The following MTAP variants were observed in gnomAD, a reference collection of about 807,000 sequenced individuals.
MTAP encodes S-methyl-5'-thioadenosine phosphorylase.
In MTAP, 33 loss-of-function variants were observed where a neutral mutation model predicts 33.6. The observed-to-expected ratio is 0.98, with a 90% CI of 0.74 to 1.31. The LOEUF (loss-of-function observed/expected upper bound fraction) is 1.31, where lower values mean the gene tolerates loss of function less well. Ranked by LOEUF, MTAP falls within the 40% of genes most tolerant of loss-of-function variation. The pLI, the probability that MTAP is intolerant of heterozygous loss-of-function variation, is 0.00. For missense variants in MTAP, 367 were observed against 360.0 expected (o/e 1.02, Z -0.16); for synonymous variants, 148 against 125.7 (o/e 1.18, Z -1.19).
At chr9:21,906,545 A>G (rs2118829248) in intron 1 of MTAP, among the ~76,000 whole-genome samples, 1 of 152,270 alleles carries the variant, frequency 6.6e-6, no homozygotes, top group Non-Finnish European at 1.5e-5. Context: ...CATAAAATCT[A>G]CTAAGAGGGC....
chr9:21,863,148 T>C lies in MTAP; in HGVS notation c.*1134T>C. 1 of 974,676 alleles carries C rather than the reference T, an allele frequency of 1.0e-6. No homozygotes were observed. The highest frequency in any genetic ancestry group is 1.2e-6 in the Non-Finnish European group (1 of 820,100). 60.4% of individuals were successfully genotyped at this position (974,676 alleles called of 1,614,324 possible). ...TTAATAGTTTAACTGAAAGTTTAACTATTTAAAAGACTAAATGCACATTTT... is the reference window on the plus strand; with the variant it reads ...TTAATAGTTTAACTGAAAGTTTAACCATTTAAAAGACTAAATGCACATTTT... On this transcript the variant is annotated 3_prime_UTR_variant, in exon 8 of 8. Transcript: ENST00000644715.
rs140726971 is a variant in MTAP, at chr9:21,919,508, A to T, written c.148-11500A>T. On this transcript the variant is annotated intron_variant, in intron 1 of 1. Coordinates refer to the MTAP transcript ENST00000577563. Reference sequence around the variant, plus strand: ...GAAGATATTTGTAAACCACTTTTGGATCCCTGGGTTCAGATGTGGACTAGC... The same window carrying T: ...GAAGATATTTGTAAACCACTTTTGGTTCCCTGGGTTCAGATGTGGACTAGC... Among the ~76,000 whole-genome samples, 12 of 152,364 alleles carry T rather than the reference A, an allele frequency of 7.9e-5. No individual in the cohort carries two copies. In the East Asian group the frequency reaches 2.3e-3, roughly 29 times the overall value.
chr9:21,838,107 C>T, intron 5 of MTAP, 97 bp downstream of exon 5: 1 of 917,152 alleles, frequency 1.1e-6, no homozygotes, highest in Non-Finnish European at 1.7e-6. Context: ...GGCCCCATAC[C>T]CTCACTCAAG....
chr9:21,810,019 T>C (rs1824305885), intron 1 of MTAP, among the ~76,000 whole-genome samples: 1 of 152,248 alleles, frequency 6.6e-6, no homozygotes, highest in Non-Finnish European at 1.5e-5. Context: ...ATAAAAACCA[T>C]GGATGTTTTG....
chr9:21,867,702 C>CAAA (rs11397272), downstream of MTAP, among the ~76,000 whole-genome samples: 1 of 143,150 alleles, frequency 7.0e-6, no homozygotes, highest in African/African-American at 2.6e-5. Flanking sequence ...AAATAAACTT[C>CAAA]AAAAAAAAAA....
intron 1 of MTAP, among the ~76,000 whole-genome samples, chr9:21,909,143 G>A (rs1338864892): frequency 6.6e-6 from 1 of 151,904 alleles, no homozygotes; most frequent in East Asian, 1.9e-4. Context: ...AATTCCTTTA[G>A]CCTAAAAGGA....
exon 2 of MTAP, chr9:21,931,156 A>G (rs778222507): frequency 1.3e-6 from 1 of 752,364 alleles, no homozygotes; most frequent in African/African-American, 1.7e-5. Context: ...CTGGCTGGAT[A>G]CTGCTTCCAA....
chr9:21,902,703 A>G (rs1818411727), intron 1 of MTAP, among the ~76,000 whole-genome samples: 2 of 152,224 alleles, frequency 1.3e-5, no homozygotes, highest in Admixed American at 6.5e-5. Flanking sequence ...TAATACATCC[A>G]TATATGTAAC....
intron 1 of MTAP, among the ~76,000 whole-genome samples, chr9:21,915,705 T>C (rs1198726385): frequency 6.6e-6 from 1 of 152,010 alleles, no homozygotes; most frequent in Non-Finnish European, 1.5e-5. Flanking sequence ...GACTATGGTG[T>C]TGAGAATATA....
intron 1 of MTAP, among the ~76,000 whole-genome samples, chr9:21,907,774 C>T (rs191416318): frequency 1.6e-3 from 236 of 151,900 alleles, no homozygotes; most frequent in African/African-American, 5.3e-3. Context: ...ACTCTTACCA[C>T]CCAGAGAAAA....
chr9:21,854,927 T>G, intron 6 of MTAP, 57 bp downstream of exon 6: 16 of 1,572,062 alleles, frequency 1.0e-5, no homozygotes, highest in Non-Finnish European at 1.4e-5. Context: ...GCCAATAGGG[T>G]GTCTTAACTG....
Position 21,863,037 on chromosome 9 carries a change from A to T in MTAP, c.*1023A>T. 1 of 985,436 alleles carries T rather than the reference A, an allele frequency of 1.0e-6. No individual in the cohort carries two copies. Among genetic ancestry groups the T allele is most frequent in the Non-Finnish European group, 1.2e-6 (1 of 829,906 alleles). 61.0% of individuals were successfully genotyped at this position (985,436 alleles called of 1,614,324 possible). ...TGTCATTTAAGGGAGTTACATCTTT[A>T]TTCTGCTAAAGAAGAGGATCATTGA... On this transcript the variant is annotated 3_prime_UTR_variant, in exon 8 of 8. Coordinates refer to ENST00000644715, the MANE Select transcript of MTAP (RefSeq NM_002451.4).
intron 4 of MTAP, 118 bp downstream of exon 4, chr9:21,818,320 T>TC: frequency 7.8e-6 from 2 of 255,082 alleles, no homozygotes; most frequent in Non-Finnish European, 5.9e-6. Flanking sequence ...TCGCTTGCTT[T>TC]TTTTTTTTTT....
intron 1 of MTAP, among the ~76,000 whole-genome samples, chr9:21,911,566 G>A (rs1818577249): frequency 6.6e-6 from 1 of 152,130 alleles, no homozygotes; most frequent in Non-Finnish European, 1.5e-5. Flanking sequence ...AAATAAAAAT[G>A]TTCTTTGAAA....
At chr9:21,890,486 C>T (rs761998189) in intron 1 of MTAP, among the ~76,000 whole-genome samples, 1 of 152,086 alleles carries the variant, frequency 6.6e-6, no homozygotes, top group Non-Finnish European at 1.5e-5. Flanking sequence ...CATGATTGGT[C>T]AAAATTATTA....
chr9:21,859,253 A>G (rs1159777163), intron 6 of MTAP, 50 bp from the exon 7 acceptor site: 1 of 1,564,372 alleles, frequency 6.4e-7, no homozygotes, highest in Admixed American at 2.1e-5. Flanking sequence ...TTTTATGACA[A>G]GCAGTGGAAT....
At chr9:21,805,740 C>T (rs146621970) in intron 1 of MTAP, among the ~76,000 whole-genome samples, 117 of 152,304 alleles carry the variant, frequency 7.7e-4, no homozygotes, top group African/African-American at 2.7e-3. Context: ...AAAACGTGGG[C>T]CTTCCTCAGA....
chr9:21,917,388 T>C (rs1194300111), intron 1 of MTAP, among the ~76,000 whole-genome samples: 1 of 152,202 alleles, frequency 6.6e-6, no homozygotes, highest in African/African-American at 2.4e-5. Flanking sequence ...AAGCAAGGCC[T>C]ACCCTGGGTA....
At chr9:21,937,762 C>CTAAA (rs1330402147), downstream of MTAP, 5 of 152,194 alleles carry the variant, frequency 3.3e-5, no homozygotes, top group Admixed American at 6.5e-5. Context: ...AAATTCTAAA[C>CTAAA]TAAATCTTTT....
Sources: allele counts gnomAD v4.1 joint callset (sites outside exome capture counted in the v4.1 genomes callset), GRCh38; gene constraint gnomAD v4.1.1; transcripts MANE v1.5; gene names NCBI Gene and HGNC (gene_info 2026-07-23, HGNC 2026-07-21).